The following TMEM272 variants were observed in gnomAD, a reference collection of about 807,000 sequenced individuals.
TMEM272 encodes transmembrane protein 272.
Under a neutral mutation model 3.7 loss-of-function variants are expected in TMEM272, and 8 were observed. That is an observed-to-expected ratio of 2.17 (90% CI 1.27 to 3.91). The LOEUF (loss-of-function observed/expected upper bound fraction) is 3.91, where lower values mean the gene tolerates loss of function less well. TMEM272 is among the 30% of genes most tolerant of loss of function. TMEM272 has a pLI of 0.00. For synonymous variants in TMEM272, 63 were observed against 39.8 expected (o/e 1.58, Z -2.20); for missense variants, 166 against 91.5 (o/e 1.81, Z -3.32).
the TMEM272 span, among the ~76,000 whole-genome samples, chr13:51,858,849 C>A: frequency 2.6e-5 from 4 of 152,156 alleles, no homozygotes; most frequent in African/African-American, 4.8e-5. Flanking sequence ...CTCCTTCCCC[C>A]CTGCAAACAG....
At chr13:51,833,548 A>G (rs1048253796) in intron 2 of TMEM272, among the ~76,000 whole-genome samples, 2 of 152,160 alleles carry the variant, frequency 1.3e-5, no homozygotes, top group Non-Finnish European at 2.9e-5. Flanking sequence ...GAAGGGAAGA[A>G]AGGAGTAAAG....
intron 1 of TMEM272, among the ~76,000 whole-genome samples, chr13:51,839,765 C>T (rs1305302255): frequency 2.0e-5 from 3 of 152,204 alleles, no homozygotes; most frequent in East Asian, 1.9e-4. Context: ...CAAGTCACTC[C>T]ACCGCCAGCG....
At chr13:51,914,845 C>T in the TMEM272 span, among the ~76,000 whole-genome samples, 26 of 152,200 alleles carry the variant, frequency 1.7e-4, no homozygotes, top group Admixed American at 9.2e-4. Context: ...TTGAGGCCCA[C>T]GTTTGAACTC....
At chr13:51,839,859 T>C (rs570338957) in intron 1 of TMEM272, among the ~76,000 whole-genome samples, 1 of 152,152 alleles carries the variant, frequency 6.6e-6, no homozygotes, top group African/African-American at 2.4e-5. Context: ...AGCACGGTGG[T>C]TGGGCTGAGA....
the TMEM272 span, among the ~76,000 whole-genome samples, chr13:51,852,116 G>A: frequency 2.8e-4 from 42 of 152,236 alleles, no homozygotes; most frequent in African/African-American, 9.4e-4. Context: ...TACCAGCACT[G>A]TATAGCAGGG....
chr13:51,826,682 C>T (rs1956128673), intron 2 of TMEM272, 57 bp from the exon 3 acceptor site: 1 of 701,488 alleles, frequency 1.4e-6, no homozygotes, highest in Non-Finnish European at 2.6e-6. Context: ...CCCTGCATTT[C>T]CTCTTCACTG....
chr13:51,879,816 T>C, the TMEM272 span, among the ~76,000 whole-genome samples: 146,523 of 152,274 alleles, frequency 0.96, 70,512 homozygotes, highest in East Asian at 1. Context: ...GTGGCAGGTG[T>C]TCAAAGAGAG....
chr13:51,897,278 A>G, the TMEM272 span, among the ~76,000 whole-genome samples: 8 of 150,028 alleles, frequency 5.3e-5, no homozygotes, highest in Admixed American at 5.3e-4. Flanking sequence ...GACTCACTGT[A>G]GCCCTGACCT....
chr13:51,877,022 G>C, the TMEM272 span, among the ~76,000 whole-genome samples: 2 of 152,166 alleles, frequency 1.3e-5, no homozygotes, highest in East Asian at 3.9e-4. Context: ...CAAAGCTAAA[G>C]CCCCTTCTTC....
At chr13:51,869,135 G>A in the TMEM272 span, among the ~76,000 whole-genome samples, 101 of 152,322 alleles carry the variant, frequency 6.6e-4, no homozygotes, top group African/African-American at 2.4e-3. Flanking sequence ...CCCACTGGCT[G>A]TCTAGTTGAA....
chr13:51,817,383 G>A (rs959040497), intron 4 of TMEM272, among the ~76,000 whole-genome samples: 2 of 152,216 alleles, frequency 1.3e-5, no homozygotes, highest in Non-Finnish European at 2.9e-5. Context: ...AGATGTGTGA[G>A]TTGGTTTGGA....
the TMEM272 span, among the ~76,000 whole-genome samples, chr13:51,893,028 T>C: frequency 6.6e-6 from 1 of 152,212 alleles, no homozygotes; most frequent in Non-Finnish European, 1.5e-5. Context: ...TCCCATTTTC[T>C]GACAAACATC....
chr13:51,852,743 G>T, the TMEM272 span, among the ~76,000 whole-genome samples: 1 of 152,108 alleles, frequency 6.6e-6, no homozygotes, highest in Non-Finnish European at 1.5e-5. Context: ...GCCGGGCGTG[G>T]TGGCGGGCTT....
chr13:51,882,657 G>C, the TMEM272 span, among the ~76,000 whole-genome samples: 1 of 150,990 alleles, frequency 6.6e-6, no homozygotes, highest in African/African-American at 2.4e-5. Flanking sequence ...CTTCAGAAAT[G>C]GTGAAACCTA....
At chr13:51,887,442 T>C in the TMEM272 span, among the ~76,000 whole-genome samples, 1 of 152,220 alleles carries the variant, frequency 6.6e-6, no homozygotes, top group Admixed American at 6.5e-5. Flanking sequence ...TCTTTTAGGA[T>C]TTGTTAAAAA....
At chr13:51,922,151 C>A in the TMEM272 span, among the ~76,000 whole-genome samples, 1 of 152,184 alleles carries the variant, frequency 6.6e-6, no homozygotes, top group African/African-American at 2.4e-5. Context: ...CATCCAACCG[C>A]AGGAGTTATC....
At chr13:51,831,810 C>T (rs916259543) in intron 2 of TMEM272, among the ~76,000 whole-genome samples, 3 of 152,224 alleles carry the variant, frequency 2.0e-5, no homozygotes, top group Non-Finnish European at 2.9e-5. Context: ...TTAATACTGT[C>T]CTGCCTTCTG....
chr13:51,839,522 C>T (rs572683236), intron 1 of TMEM272, among the ~76,000 whole-genome samples: 39 of 152,252 alleles, frequency 2.6e-4, no homozygotes, highest in African/African-American at 8.9e-4. Flanking sequence ...AGAGTAGCCG[C>T]GGCTCCATTT....
chr13:51,901,492 TG>T, the TMEM272 span, among the ~76,000 whole-genome samples: 1 of 143,470 alleles, frequency 7.0e-6, no homozygotes, highest in African/African-American at 2.6e-5. Flanking sequence ...CAGGTACTTC[TG>T]GAAATTCATA....
Sources: allele counts gnomAD v4.1 joint callset (sites outside exome capture counted in the v4.1 genomes callset), GRCh38; gene constraint gnomAD v4.1.1; transcripts MANE v1.5; gene names NCBI Gene and HGNC (gene_info 2026-07-23, HGNC 2026-07-21).